MYH9: variants seen among roughly 807,000 people sequenced by gnomAD.
The protein encoded by MYH9 is myosin heavy chain 9, also known as myosin-9.
A neutral mutation model predicts 241.9 loss-of-function variants in MYH9; 29 were observed. The ratio of observed to expected loss-of-function variants is 0.12; its 90% confidence interval spans 0.09 to 0.16. MYH9 has a LOEUF of 0.16. Among genes scored for constraint, MYH9 ranks in the 10% least tolerant of loss-of-function variants. The pLI, the probability that MYH9 is intolerant of heterozygous loss-of-function variation, is 1.00. For synonymous variants in MYH9, 1,047 were observed against 1,062.6 expected, an observed-to-expected ratio of 0.99 and a Z score of 0.29; for missense variants, 1,803 against 2,595.5, an observed-to-expected ratio of 0.69 and a Z score of 6.63.
At chr22:36,314,640 G>GTTT (rs371769551) in intron 12 of MYH9, among the ~76,000 whole-genome samples, 1 of 150,006 alleles carries the variant, frequency 6.7e-6, no homozygotes. Context: ...GTAATACATT[G>GTTT]TTTTTTTTTT....
At chr22:36,319,673 G>A (rs1603483421) in intron 9 of MYH9, 38 bp from the exon 10 acceptor site, 2 of 1,597,768 alleles carry the variant, frequency 1.3e-6, no homozygotes, top group South Asian at 1.1e-5. Flanking sequence ...AAGCAGACAT[G>A]GGTCATGGTG....
chr22:36,310,292 G>C (rs919912853), intron 14 of MYH9, among the ~76,000 whole-genome samples: 4 of 150,194 alleles, frequency 2.7e-5, no homozygotes, highest in Non-Finnish European at 4.4e-5. Context: ...AAAAGATAGA[G>C]ATAGGGTCTC....
intron 12 of MYH9, 67 bp from the exon 13 acceptor site, chr22:36,314,385 G>A: frequency 6.3e-7 from 1 of 1,589,376 alleles, no homozygotes; most frequent in East Asian, 2.2e-5. Context: ...GACACCCCTT[G>A]AGAAGGAGGG....
intron 1 of MYH9, among the ~76,000 whole-genome samples, chr22:36,369,437 C>A (rs151223333): frequency 6.6e-6 from 1 of 152,200 alleles, no homozygotes; most frequent in African/African-American, 2.4e-5. Context: ...CGGCTCTGGG[C>A]AGAAGGCGGG....
At chr22:36,314,650 T>TA (rs1460897876) in intron 12 of MYH9, among the ~76,000 whole-genome samples, 2 of 152,202 alleles carry the variant, frequency 1.3e-5, no homozygotes, top group East Asian at 1.9e-4. Flanking sequence ...GTTTTTTTTT[T>TA]TTATTTTTTA....
In MYH9 at chr22:36,282,755, G is replaced by A; in HGVS notation, c.5796C>T (p.Arg1932=). 6.2e-7 allele frequency: 1 copy of A among 1,613,134 alleles called. No homozygotes were observed. Among genetic ancestry groups the A allele is most frequent in the Non-Finnish European group, 8.5e-7 (1 of 1,179,992 alleles). Residue 1932 remains arginine, a synonymous_variant, in exon 41 of 41, where the codon CGC becomes CGT. Coordinates refer to ENST00000216181, the MANE Select transcript of MYH9 (RefSeq NM_002473.6). The stretch of plus-strand genomic sequence containing the variant: ...CCCCGGCGCCTTTCCGGGCCATTCG[G>A]CGGGGCACGACAAACGGCAGGTCCC... ...RRGDLPFVVP[R]RMARKGAGDG...
intron 3 of MYH9, among the ~76,000 whole-genome samples, chr22:36,331,662 C>T (rs2017421705): frequency 1.3e-5 from 2 of 152,196 alleles, no homozygotes; most frequent in Admixed American, 1.3e-4. Flanking sequence ...ACAGGAAGTA[C>T]AGAGGAAGGG....
intron 35 of MYH9, 169 bp from the exon 36 acceptor site, chr22:36,286,122 A>G: frequency 1.4e-6 from 1 of 690,914 alleles, no homozygotes. Context: ...CTGAAGATAT[A>G]GCTTAAACAC....
intron 15 of MYH9, chr22:36,308,852 C>G (rs2017014021): frequency 1.0e-6 from 1 of 985,274 alleles, no homozygotes; most frequent in African/African-American, 1.7e-5. Flanking sequence ...GAAATAGGCT[C>G]TCTGAGTGCT....
rs1216839504 is a variant in MYH9 at position 36,320,093 on chromosome 22, G to A, written c.1012+127C>T. The A allele has an allele frequency of 7.7e-7, 1 of 1,305,984 alleles. No homozygotes were observed. Among genetic ancestry groups the A allele is most frequent in the Non-Finnish European group, 1.1e-6 (1 of 917,584 alleles). 80.9% of individuals were successfully genotyped at this position (1,305,984 alleles called of 1,614,324 possible). The stretch of plus-strand genomic sequence containing the variant: ...CTGAGGAATCATTTTCCCATACACT[G>A]AAGGCCTTCCCCTTCCCCTGGCCTC... On this transcript the variant is annotated intron_variant, in intron 9 of 40. Coordinates refer to ENST00000216181, the MANE Select transcript of MYH9 (RefSeq NM_002473.6). The surrounding 1 kb of genome is among the most constrained non-coding windows in gnomAD (Gnocchi z 4.8).
At chr22:36,362,887 G>A (rs2017956099) in intron 1 of MYH9, among the ~76,000 whole-genome samples, 1 of 152,156 alleles carries the variant, frequency 6.6e-6, no homozygotes, top group Non-Finnish European at 1.5e-5. Flanking sequence ...GCCCAGCATG[G>A]ATAGAAGTGT....
chr22:36,344,257 C>T (rs1402369954), intron 2 of MYH9, among the ~76,000 whole-genome samples: 1 of 152,248 alleles, frequency 6.6e-6, no homozygotes, highest in Non-Finnish European at 1.5e-5. Context: ...CTGCTCCATT[C>T]ACAGGCCACA....
chr22:36,338,379 G>A (rs770288852), intron 3 of MYH9, among the ~76,000 whole-genome samples: 1 of 152,142 alleles, frequency 6.6e-6, no homozygotes, highest in South Asian at 2.1e-4. Flanking sequence ...TCCAATGCTA[G>A]CAGAAGGCAA....
intron 30 of MYH9, among the ~76,000 whole-genome samples, chr22:36,292,735 G>A (rs563954434): frequency 6.6e-6 from 1 of 152,344 alleles, no homozygotes; most frequent in East Asian, 1.9e-4. Flanking sequence ...TCTAGAGCAG[G>A]GGCTCTGAAA....
chr22:36,305,168 G>T lies in MYH9; in HGVS notation c.2160-66C>A. ...CTCGATTCCACATGCCTGGAATATA[G>T]GCGAGAGATTAACATCATTTCTACA... On this transcript the variant is annotated intron_variant, in intron 17 of 40. Coordinates refer to ENST00000216181, the MANE Select transcript of MYH9 (RefSeq NM_002473.6). The surrounding 1 kb of genome is among the most constrained non-coding windows in gnomAD (Gnocchi z 4.7). 1 of 1,331,072 alleles carries T rather than the reference G, an allele frequency of 7.5e-7. No homozygotes were observed. The highest frequency in any genetic ancestry group is 1.1e-6 in the Non-Finnish European group (1 of 923,388). The allele number at this position is 1,331,072 out of a possible 1,614,324, so 82.5% of individuals were successfully genotyped here.
At chr22:36,301,782 G>A (rs913617652) in intron 20 of MYH9, 117 bp from the exon 21 acceptor site, 20 of 1,394,456 alleles carry the variant, frequency 1.4e-5, no homozygotes, top group African/African-American at 4.3e-5. Context: ...AAGAAGACAC[G>A]CTGTGGTGGG....
intron 1 of MYH9, among the ~76,000 whole-genome samples, chr22:36,381,503 G>A (rs562826859): frequency 6.1e-5 from 9 of 148,088 alleles, no homozygotes; most frequent in South Asian, 2.1e-4. Flanking sequence ...GCAACAGAGC[G>A]AGACTCCATC....
At chr22:36,335,513 C>A (rs570616436) in intron 3 of MYH9, among the ~76,000 whole-genome samples, 1 of 152,216 alleles carries the variant, frequency 6.6e-6, no homozygotes, top group Non-Finnish European at 1.5e-5. Context: ...CCCGGTGAGT[C>A]GATTCAAACA....
At chr22:36,284,024 T>C (rs1262462719) in intron 40 of MYH9, 69 bp downstream of exon 40, 6 of 1,578,710 alleles carry the variant, frequency 3.8e-6, no homozygotes, top group Non-Finnish European at 4.3e-6. Flanking sequence ...TTGTGGGCTC[T>C]GGTTGAGGAA....
Sources: allele counts gnomAD v4.1 joint callset (sites outside exome capture counted in the v4.1 genomes callset), GRCh38; gene constraint gnomAD v4.1.1; non-coding constraint Gnocchi (gnomAD v3.1); transcripts MANE v1.5; gene names NCBI Gene and HGNC (gene_info 2026-07-23, HGNC 2026-07-21).